ADAM28: variants seen among roughly 807,000 people sequenced by gnomAD.
ADAM28 encodes disintegrin and metalloproteinase domain-containing protein 28.
A neutral mutation model predicts 101.2 loss-of-function variants in ADAM28; 105 were observed. The observed-to-expected ratio is 1.04, with a 90% CI of 0.89 to 1.22. The LOEUF is 1.22. Among genes scored for constraint, ADAM28 ranks in the 50% most tolerant of loss-of-function variants. The pLI is 0.00. For missense variants in ADAM28, 1,028 were observed against 945.4 expected (o/e 1.09, Z -1.15); for synonymous variants, 322 against 310.6 (o/e 1.04, Z -0.39).
At chr8:24,331,069 GT>G in intron 11 of ADAM28, 80 bp from the exon 12 acceptor site, 1 of 1,381,506 alleles carries the variant, frequency 7.2e-7, no homozygotes. Context: ...GGCCGTGGGT[GT>G]AATTGTGCCT....
intron 2 of ADAM28, among the ~76,000 whole-genome samples, chr8:24,303,411 T>C (rs1308251138): frequency 6.6e-6 from 1 of 152,154 alleles, no homozygotes. Context: ...CTTTTTCCCA[T>C]TGCTTGTTTT....
chr8:24,302,513 C>T (rs1808919712), intron 2 of ADAM28, among the ~76,000 whole-genome samples: 1 of 152,192 alleles, frequency 6.6e-6, no homozygotes, highest in South Asian at 2.1e-4. Context: ...GAGGAATTGC[C>T]ACACCGTCTT....
At chr8:24,316,369 T>C (rs79601794) in intron 6 of ADAM28, among the ~76,000 whole-genome samples, 1,807 of 152,110 alleles carry the variant, frequency 0.012, 21 homozygotes, top group Non-Finnish European at 0.019. Flanking sequence ...ATTCGAGTTT[T>C]GATAAGAAAG....
At chr8:24,342,453 C>G (rs1035859478) in intron 16 of ADAM28, among the ~76,000 whole-genome samples, 1 of 151,954 alleles carries the variant, frequency 6.6e-6, no homozygotes, top group Non-Finnish European at 1.5e-5. Context: ...GTCTCTGAAC[C>G]CCTGGAGCTG....
chr8:24,319,314 C>T (rs1307995868), intron 6 of ADAM28, among the ~76,000 whole-genome samples: 1 of 151,876 alleles, frequency 6.6e-6, no homozygotes, highest in African/African-American at 2.4e-5. Context: ...TGTCACATGC[C>T]CACTTTAATC....
In ADAM28 at chr8:24,323,866, A is replaced by C. The variant is rs144921677; in HGVS notation, c.753A>C (p.Leu251Phe). 1 of 1,612,074 alleles carries C rather than the reference A, an allele frequency of 6.2e-7. No individual in the cohort carries two copies. The highest frequency in any genetic ancestry group is 8.5e-7 in the Non-Finnish European group (1 of 1,178,710). ...LYKKLNTHVA[L>F]VGMEIWTDKD... is the part of the protein sequence containing the mutation. ...AAAAGCTCAATACTCATGTGGCCTT[A>C]GTTGGTATGGAAATCTGGACTGACA... The change falls in exon 9 of 23, where the codon TTA becomes TTC. Residue 251 changes from leucine to phenylalanine, a missense_variant. Leu to Phe is a conservative substitution (Grantham distance 22). Coordinates refer to ENST00000265769, the MANE Select transcript of ADAM28 (RefSeq NM_014265.6).
intron 14 of ADAM28, among the ~76,000 whole-genome samples, chr8:24,338,222 T>C (rs924043353): frequency 2.0e-5 from 3 of 146,560 alleles, no homozygotes; most frequent in African/African-American, 7.6e-5. Flanking sequence ...ATCCAAAATA[T>C]ATGGATTAGT....
chr8:24,334,620 G>C (rs1473517385), intron 13 of ADAM28, among the ~76,000 whole-genome samples: 2 of 152,218 alleles, frequency 1.3e-5, no homozygotes, highest in African/African-American at 4.8e-5. Context: ...GGAATTCTCT[G>C]ACTGGAGCTT....
chr8:24,354,243 C>T (rs1816513055), intron 22 of ADAM28, 141 bp from the exon 23 acceptor site: 1 of 698,414 alleles, frequency 1.4e-6, no homozygotes, highest in African/African-American at 1.8e-5. Context: ...ATTTCTACTT[C>T]TTCGTTTTTG....
rs547710405 is a variant in ADAM28 at position 24,354,476 on chromosome 8, A to G, written c.*72A>G. ...ACTGGAAAATCTGGATGGCAGAGAA[A>G]TATACTATCTATCTCACCAGTATTT... On this transcript the variant is annotated 3_prime_UTR_variant, in exon 23 of 23. Coordinates refer to ENST00000265769, the MANE Select transcript of ADAM28 (RefSeq NM_014265.6). The G allele has an allele frequency of 7.3e-6, 10 of 1,375,788 alleles. No individual in the cohort carries two copies. The African/African-American group carries it at 2.3e-4, about 31-fold the overall frequency. The allele number at this position is 1,375,788 out of a possible 1,614,324, so 85.2% of individuals were successfully genotyped here.
rs77990364 is a variant in ADAM28 at position 24,322,355 on chromosome 8, G to A, written c.720+1066G>A. Among the ~76,000 whole-genome samples the A allele has an allele frequency of 7.6e-4, 115 of 152,084 alleles. 3 individuals are homozygous for A. The East Asian group carries it at 0.022, about 29-fold the overall frequency. On this transcript the variant is annotated intron_variant, in intron 8 of 22. Coordinates refer to ENST00000265769, the MANE Select transcript of ADAM28 (RefSeq NM_014265.6). ...GATAAGCCAATGGTGGGAGCTTGTG[G>A]ACGTTCTCTTCAGATTGCTCTTATA... is the stretch of plus-strand genomic sequence containing the variant.
intron 21 of ADAM28, among the ~76,000 whole-genome samples, chr8:24,352,253 T>C (rs1333727650): frequency 6.6e-6 from 1 of 152,226 alleles, no homozygotes; most frequent in Non-Finnish European, 1.5e-5. Flanking sequence ...TGCCAACTTG[T>C]GACAAGAAGA....
intron 2 of ADAM28, among the ~76,000 whole-genome samples, chr8:24,302,012 G>C (rs7828578): frequency 0.032 from 4,806 of 152,204 alleles, 245 homozygotes; most frequent in African/African-American, 0.11. Flanking sequence ...CGTGTGCCAT[G>C]GTGGTTTGCT....
intron 21 of ADAM28, among the ~76,000 whole-genome samples, chr8:24,352,341 C>T (rs1446005493): frequency 3.3e-5 from 5 of 152,124 alleles, no homozygotes; most frequent in Non-Finnish European, 5.9e-5. Context: ...GATTGAGTGG[C>T]TTAAACAACA....
chr8:24,299,937 C>A, intron 1 of ADAM28, 37 bp from the exon 2 acceptor site: 2 of 1,545,520 alleles, frequency 1.3e-6, no homozygotes, highest in South Asian at 2.3e-5. Flanking sequence ...TACTTCAGTT[C>A]TACCTGGATA....
chr8:24,333,966 T>G (rs1813690958), intron 13 of ADAM28, among the ~76,000 whole-genome samples: 1 of 152,132 alleles, frequency 6.6e-6, no homozygotes, highest in Non-Finnish European at 1.5e-5. Context: ...AGCATGAATG[T>G]GCACATGGCA....
chr8:24,332,285 G>T (rs1813451755), intron 12 of ADAM28, among the ~76,000 whole-genome samples: 1 of 152,142 alleles, frequency 6.6e-6, no homozygotes, highest in Admixed American at 6.5e-5. Flanking sequence ...GGATATCCTA[G>T]AAATTGGATT....
chr8:24,301,176 C>T (rs1236423971), intron 2 of ADAM28, among the ~76,000 whole-genome samples: 1 of 152,192 alleles, frequency 6.6e-6, no homozygotes, highest in Non-Finnish European at 1.5e-5. Flanking sequence ...TTTCCCATAG[C>T]ATTTCTTCTA....
intron 14 of ADAM28, among the ~76,000 whole-genome samples, chr8:24,338,023 A>G (rs1011036839): frequency 6.6e-6 from 1 of 152,222 alleles, no homozygotes; most frequent in Non-Finnish European, 1.5e-5. Context: ...AACATAACCA[A>G]ACAACTCCCT....
Sources: gnomAD v4.1 joint callset for allele counts (sites outside exome capture counted in the v4.1 genomes callset) on GRCh38, gnomAD v4.1.1 for gene constraint, MANE v1.5 for transcripts, NCBI Gene and HGNC (gene_info 2026-07-23, HGNC 2026-07-21) for gene names.